The following TLK2 variants were observed in gnomAD, a reference collection of about 807,000 sequenced individuals.
TLK2 encodes the protein serine/threonine-protein kinase tousled-like 2.
In TLK2, 6 loss-of-function variants were observed where a neutral mutation model predicts 117.3. The observed-to-expected ratio is 0.05, with a 90% CI of 0.03 to 0.10. The LOEUF (loss-of-function observed/expected upper bound fraction) is 0.10, where lower values mean the gene tolerates loss of function less well. Ranked by LOEUF, TLK2 falls within the 10% of genes least tolerant of loss-of-function variation. TLK2 has a pLI of 1.00. For missense variants in TLK2, 299 were observed against 901.2 expected (o/e 0.33, Z 8.56); for synonymous variants, 257 against 316.7 (o/e 0.81, Z 2.00).
In TLK2 at chr17:62,615,433, T is replaced by C. The variant is rs2084049624; in HGVS notation, c.*2868T>C. ...CCAGATTGTTTTAGCCTTTTCCCAA[T>C]GGGGTGGGGGAGGGAAGAAGGATAT... On this transcript the variant is annotated 3_prime_UTR_variant, in exon 22 of 22. Coordinates refer to ENST00000346027, the MANE Select transcript of TLK2 (RefSeq NM_006852.6). 2 of 151,844 alleles carry C rather than the reference T, an allele frequency of 1.3e-5. No homozygotes were observed. The highest frequency in any genetic ancestry group is 4.8e-5 in the African/African-American group (2 of 41,300). The allele number at this position is 151,844 out of a possible 1,614,324, so 9.4% of individuals were successfully genotyped here.
chr17:62,546,762 G>C (rs1168985992), intron 7 of TLK2, among the ~76,000 whole-genome samples: 1 of 151,760 alleles, frequency 6.6e-6, no homozygotes, highest in Non-Finnish European at 1.5e-5. Context: ...GTTTCACCAT[G>C]TTGGCCAGGC....
chr17:62,568,305 G>A (rs1391144430), intron 11 of TLK2, among the ~76,000 whole-genome samples: 1 of 151,642 alleles, frequency 6.6e-6, no homozygotes, highest in Non-Finnish European at 1.5e-5. Context: ...GGTGACACAC[G>A]CCTGTAATCC....
At chr17:62,588,031 G>A (rs976595069) in intron 16 of TLK2, among the ~76,000 whole-genome samples, 130 of 125,546 alleles carry the variant, frequency 1.0e-3, no homozygotes, top group Non-Finnish European at 7.9e-4. Context: ...TAAAATATAC[G>A]TATACATCTG....
At chr17:62,505,953 G>A (rs1488007238) in intron 2 of TLK2, among the ~76,000 whole-genome samples, 2 of 152,110 alleles carry the variant, frequency 1.3e-5, no homozygotes, top group Non-Finnish European at 1.5e-5. Context: ...TCGGCCTCCC[G>A]AAGTGCTGGG....
intron 7 of TLK2, among the ~76,000 whole-genome samples, chr17:62,549,415 A>G (rs1567897972): frequency 4.9e-4 from 15 of 30,868 alleles, no homozygotes; most frequent in African/African-American, 9.7e-4. Flanking sequence ...AAAAAAAAAA[A>G]AAAAAAAAAA....
At chr17:62,504,936 C>G (rs1399652656) in intron 2 of TLK2, among the ~76,000 whole-genome samples, 1 of 152,078 alleles carries the variant, frequency 6.6e-6, no homozygotes, top group Non-Finnish European at 1.5e-5. Flanking sequence ...CTCCGCCTCG[C>G]AGTTTCAAGT....
intron 13 of TLK2, among the ~76,000 whole-genome samples, chr17:62,578,012 A>G (rs551574027): frequency 1.5e-3 from 233 of 152,280 alleles, no homozygotes; most frequent in Non-Finnish European, 2.4e-3. Context: ...GTGCCATTGC[A>G]CTCCAGCCTG....
At chr17:62,487,946 T>C (rs2072642897) in intron 2 of TLK2, among the ~76,000 whole-genome samples, 1 of 144,858 alleles carries the variant, frequency 6.9e-6, no homozygotes, top group Admixed American at 6.9e-5. Context: ...AAGTTCTCAC[T>C]TTTTTTTTTG....
At chr17:62,493,637 GA>G in intron 2 of TLK2, among the ~76,000 whole-genome samples, 1 of 152,320 alleles carries the variant, frequency 6.6e-6, no homozygotes, top group South Asian at 2.1e-4. Context: ...AGAAGTCTTA[GA>G]AATCCTGTTA....
intron 10 of TLK2, among the ~76,000 whole-genome samples, chr17:62,561,002 G>A (rs1234034868): frequency 6.6e-6 from 1 of 151,980 alleles, no homozygotes; most frequent in East Asian, 1.9e-4. Context: ...AACAGGCCCC[G>A]GTGTGTGATG....
intron 7 of TLK2, chr17:62,551,603 G>T (rs1433590891): frequency 1.3e-5 from 2 of 152,384 alleles, no homozygotes; most frequent in African/African-American, 2.4e-5. Flanking sequence ...TACTCGGGAG[G>T]CTGAGGCAGG....
At chr17:62,558,759 T>C (rs1341976506) in intron 9 of TLK2, among the ~76,000 whole-genome samples, 1 of 152,210 alleles carries the variant, frequency 6.6e-6, no homozygotes, top group East Asian at 1.9e-4. Context: ...GAAATTATGC[T>C]GATGGGGAGA....
At chr17:62,586,330 T>A in intron 16 of TLK2, 104 bp downstream of exon 16, 1 of 752,822 alleles carries the variant, frequency 1.3e-6, no homozygotes. Flanking sequence ...TTGTTTTATG[T>A]AATCTTCATA....
rs115866519 is a variant in TLK2 at position 62,525,367 on chromosome 17, G to A, written c.363+1036G>A. 1.8e-3 allele frequency among the ~76,000 whole-genome samples: 272 copies of A among 151,992 alleles called. 1 individual carries two copies. The highest frequency in any genetic ancestry group is 6.2e-3 in the African/African-American group (259 of 41,456). ...CATTAGGATTATTGTAATTATTAAAGCACTTATGAAAACATAAGTTAAACT... is the reference window on the plus strand; with the variant it reads ...CATTAGGATTATTGTAATTATTAAAACACTTATGAAAACATAAGTTAAACT... On this transcript the variant is annotated intron_variant, in intron 6 of 21. Coordinates refer to ENST00000346027, the MANE Select transcript of TLK2 (RefSeq NM_006852.6).
chr17:62,481,232 C>G, intron 2 of TLK2, 26 bp downstream of exon 2: 1 of 1,611,466 alleles, frequency 6.2e-7, no homozygotes, highest in Non-Finnish European at 8.5e-7. Context: ...ATCATGAACA[C>G]TATTCATATT....
chr17:62,574,806 G>A (rs1317609071), intron 12 of TLK2, among the ~76,000 whole-genome samples: 3 of 152,132 alleles, frequency 2.0e-5, no homozygotes, highest in Non-Finnish European at 4.4e-5. Flanking sequence ...GCGAGCTACT[G>A]CACCCAGCCC....
chr17:62,614,921 TC>T lies in TLK2; in HGVS notation c.*2357del, dbSNP rs532443247. The T allele has an allele frequency of 3.3e-5, 5 of 152,344 alleles. No individual in the cohort carries two copies. Among genetic ancestry groups the T allele is most frequent in the African/African-American group, 9.6e-5 (4 of 41,582 alleles). The allele number at this position is 152,344 out of a possible 1,614,324, so 9.4% of individuals were successfully genotyped here. On this transcript the variant is annotated 3_prime_UTR_variant, in exon 22 of 22. Coordinates refer to ENST00000346027, the MANE Select transcript of TLK2 (RefSeq NM_006852.6). ...AAACAATGAAGTTCTATTCCTTTTT[TC>T]TTCCTCTCCAATGATCTTGCAGTTG... is the stretch of plus-strand genomic sequence containing the variant.
At chr17:62,524,454 A>T in intron 6 of TLK2, 123 bp downstream of exon 6, 2 of 1,318,462 alleles carry the variant, frequency 1.5e-6, no homozygotes, top group South Asian at 3.2e-5. Context: ...AGAAAAGTTC[A>T]TAGTTTTACC....
chr17:62,497,092 C>A (rs1422576082), intron 2 of TLK2, among the ~76,000 whole-genome samples: 1 of 151,906 alleles, frequency 6.6e-6, no homozygotes, highest in East Asian at 1.9e-4. Flanking sequence ...CCCCATCTCT[C>A]CAAAAAATAC....
Sources: gnomAD v4.1 joint callset for allele counts (sites outside exome capture counted in the v4.1 genomes callset) on GRCh38, gnomAD v4.1.1 for gene constraint, MANE v1.5 for transcripts, NCBI Gene and HGNC (gene_info 2026-07-23, HGNC 2026-07-21) for gene names.